Variants in SNRPN observed in about 807,000 individuals in gnomAD.
The protein encoded by SNRPN is small nuclear ribonucleoprotein-associated protein N.
In SNRPN, 7 loss-of-function variants were observed where a neutral mutation model predicts 25.2. The observed-to-expected ratio is 0.28, with a 90% confidence interval of 0.16 to 0.52. The LOEUF is 0.52. Ranked by LOEUF, SNRPN falls within the 20% of genes least tolerant of loss-of-function variation. SNRPN has a pLI of 0.96. For synonymous variants in SNRPN, 124 were observed against 110.6 expected (o/e 1.12, Z -0.76); for missense variants, 196 against 322.5 (o/e 0.61, Z 3.00).
chr15:24,908,876 G>C (rs1308354222), intron 2 of SNRPN: 7 of 683,046 alleles, frequency 1.0e-5, no homozygotes, highest in Non-Finnish European at 1.7e-5. Flanking sequence ...TTTTTTTGCT[G>C]TCCATAAGTT....
rs370117096 is a variant in SNRPN at position 24,915,891 on chromosome 15, GT to G, written c.-504-4114del. 8.1e-3 allele frequency among the ~76,000 whole-genome samples: 1,202 copies of G among 147,742 alleles called. 17 individuals are homozygous for G. Among genetic ancestry groups the G allele is most frequent in the African/African-American group, 0.028 (1,143 of 40,180 alleles). On this transcript the variant is annotated intron_variant, in intron 2 of 11. Coordinates refer to the SNRPN transcript ENST00000400097. ...GGAATGATATTCAGCTAGTTCTATAGTTTTTTATTCCTTGAATAATCAGCGA... is the reference window on the plus strand; with the variant it reads ...GGAATGATATTCAGCTAGTTCTATAGTTTTTATTCCTTGAATAATCAGCGA...
intron 2 of SNRPN, among the ~76,000 whole-genome samples, chr15:24,838,633 C>G (rs1358344738): frequency 6.6e-6 from 1 of 152,002 alleles, no homozygotes; most frequent in Non-Finnish European, 1.5e-5. Flanking sequence ...GCCAGTTTGT[C>G]TGTCCCTGTG....
intron 3 of SNRPN, among the ~76,000 whole-genome samples, chr15:24,936,720 A>C (rs1399261502): frequency 1.3e-5 from 2 of 152,004 alleles, no homozygotes; most frequent in African/African-American, 2.4e-5. Context: ...AGACAACCAG[A>C]TCTTGTGATA....
At chr15:24,931,199 C>G (rs2060829754) in intron 3 of SNRPN, among the ~76,000 whole-genome samples, 1 of 152,036 alleles carries the variant, frequency 6.6e-6, no homozygotes, top group South Asian at 2.1e-4. Flanking sequence ...TTATTTTTGC[C>G]TGGCACAACA....
At chr15:24,828,379 G>T (rs922070899) in intron 1 of SNRPN, among the ~76,000 whole-genome samples, 1 of 151,994 alleles carries the variant, frequency 6.6e-6, no homozygotes, top group Admixed American at 6.6e-5. Context: ...ACAAGATCAC[G>T]CATGTGCCCT....
At chr15:24,888,598 T>A (rs2150271508) in intron 2 of SNRPN, among the ~76,000 whole-genome samples, 1 of 152,322 alleles carries the variant, frequency 6.6e-6, no homozygotes, top group African/African-American at 2.4e-5. Context: ...GGACCTTATT[T>A]TCCTAGATGT....
At chr15:24,923,919 A>G (rs1159784869) in intron 3 of SNRPN, among the ~76,000 whole-genome samples, 1 of 54,952 alleles carries the variant, frequency 1.8e-5, no homozygotes, top group Non-Finnish European at 3.3e-5. Context: ...GTGTGTATAT[A>G]AACATTTTTT....
At position 24,958,486 on chromosome 15, in the gene SNRPN, G is replaced by GTTTTTTTTTTTTTTTTT; in HGVS notation, c.-391+3442_-391+3458dup. Reference sequence around the variant, plus strand: ...ATTTCTGGATGCTAGCTGGCTCAAAGTTTTTTTTTTTTTTTTTTTTTTTTT... The same window carrying GTTTTTTTTTTTTTTTTT: ...ATTTCTGGATGCTAGCTGGCTCAAAGTTTTTTTTTTTTTTTTTTTTTTTTTTTTTTTTTTTTTTTTTT... On this transcript the variant is annotated intron_variant, in intron 1 of 9. Transcript: ENST00000390687. Among the ~76,000 whole-genome samples the GTTTTTTTTTTTTTTTTT allele has an allele frequency of 3.1e-5, 2 of 65,284 alleles. 1 individual carries two copies. The highest frequency in any genetic ancestry group is 5.4e-5 in the Non-Finnish European group (2 of 36,716). The allele number at this position is 65,284 out of a possible 152,430, so 42.8% of individuals were successfully genotyped here.
chr15:24,970,397 G>C (rs537907126), intron 3 of SNRPN, among the ~76,000 whole-genome samples: 20 of 152,130 alleles, frequency 1.3e-4, no homozygotes, highest in African/African-American at 4.6e-4. Context: ...CTGGCCACAT[G>C]GCGAAACCCC....
At chr15:24,944,515 T>A (rs1231723741) in intron 3 of SNRPN, among the ~76,000 whole-genome samples, 2 of 152,148 alleles carry the variant, frequency 1.3e-5, no homozygotes, top group Non-Finnish European at 1.5e-5. Context: ...CTGGCCAACA[T>A]GGTGAAATCC....
At chr15:24,879,852 C>T (rs2056407642) in intron 1 of SNRPN, among the ~76,000 whole-genome samples, 2 of 152,180 alleles carry the variant, frequency 1.3e-5, no homozygotes, top group Non-Finnish European at 2.9e-5. Flanking sequence ...ACTCTCTAGC[C>T]TTCCTATCAC....
In SNRPN at chr15:24,909,400, G is replaced by A. The variant is rs2059067029; in HGVS notation, c.-504-10611G>A. On this transcript the variant is annotated intron_variant, in intron 2 of 11. Transcript: ENST00000400097. ...GGCCTGCATCCAAATAGCAGGTAAA[G>A]GCACTTGGCTGACCATCAATGCTTT... The A allele has an allele frequency of 9.4e-6, 15 of 1,598,664 alleles. No individual in the cohort carries two copies. The South Asian group carries it at 1.5e-4, about 16-fold the overall frequency.
chr15:24,884,787 T>C (rs938835286), intron 1 of SNRPN, among the ~76,000 whole-genome samples: 3 of 152,114 alleles, frequency 2.0e-5, no homozygotes, highest in Admixed American at 1.3e-4. Flanking sequence ...TTCAAAATGT[T>C]TGTAGGGGAG....
chr15:24,975,117 G>C (rs1306269024), intron 4 of SNRPN, among the ~76,000 whole-genome samples: 4 of 152,138 alleles, frequency 2.6e-5, no homozygotes, highest in Non-Finnish European at 4.4e-5. Flanking sequence ...TCACAGAGAA[G>C]GATAATCACC....
At chr15:24,898,842 C>T (rs1036863192) in intron 2 of SNRPN, among the ~76,000 whole-genome samples, 1 of 152,094 alleles carries the variant, frequency 6.6e-6, no homozygotes, top group African/African-American at 2.4e-5. Flanking sequence ...GAAACTGGGA[C>T]CAGGGGCCAA....
chr15:24,909,882 G>A (rs568065235), intron 2 of SNRPN: 8 of 709,320 alleles, frequency 1.1e-5, no homozygotes, highest in African/African-American at 1.8e-5. Flanking sequence ...GCACAGCGGC[G>A]CTGGGGCAGG....
chr15:24,864,418 G>C (rs1269998783), intron 1 of SNRPN, among the ~76,000 whole-genome samples: 5 of 120,364 alleles, frequency 4.2e-5, no homozygotes, highest in Non-Finnish European at 3.4e-5. Context: ...ATCTCGGCTC[G>C]CTGCAACCTC....
chr15:24,862,770 G>T (rs1012361339), intron 1 of SNRPN, among the ~76,000 whole-genome samples: 1 of 150,850 alleles, frequency 6.6e-6, no homozygotes, highest in African/African-American at 2.5e-5. Flanking sequence ...AGGAGGAGGA[G>T]CATTGGAGGA....
At chr15:24,844,534 T>G (rs767196824) in intron 2 of SNRPN, among the ~76,000 whole-genome samples, 13 of 111,388 alleles carry the variant, frequency 1.2e-4, no homozygotes, top group Non-Finnish European at 2.0e-4. Context: ...TTTTTTGTTG[T>G]TTTTTTTTGA....
Sources: gnomAD v4.1 joint callset for allele counts (sites outside exome capture counted in the v4.1 genomes callset) on GRCh38, gnomAD v4.1.1 for gene constraint, MANE v1.5 for transcripts, NCBI Gene and HGNC (gene_info 2026-07-23, HGNC 2026-07-21) for gene names.